The following CDKL1 variants were observed in gnomAD, a reference collection of about 807,000 sequenced individuals.
The protein encoded by CDKL1 is cyclin dependent kinase like 1, also known as cyclin-dependent kinase-like 1.
In CDKL1, 41 loss-of-function variants were observed where a neutral mutation model predicts 42.0. The ratio of observed to expected loss-of-function variants is 0.98; its 90% CI spans 0.76 to 1.27. The LOEUF is 1.27. Among genes scored for constraint, CDKL1 ranks in the 50% most tolerant of loss-of-function variants. CDKL1 has a pLI of 0.00. For synonymous variants in CDKL1, 153 were observed against 158.6 expected (o/e 0.96, Z 0.26); for missense variants, 394 against 428.4 (o/e 0.92, Z 0.71).
intron 7 of CDKL1, among the ~76,000 whole-genome samples, chr14:50,336,863 T>TAAA (rs35078048): frequency 6.7e-5 from 10 of 148,436 alleles, no homozygotes; most frequent in African/African-American, 2.5e-4. Flanking sequence ...TTCACAAATG[T>TAAA]AAAAAAAAAA....
intron 5 of CDKL1, among the ~76,000 whole-genome samples, chr14:50,341,741 A>T (rs1048962333): frequency 6.6e-6 from 1 of 150,674 alleles, no homozygotes; most frequent in South Asian, 2.1e-4. Context: ...TGACTGTGCC[A>T]CTGCACTCCA....
At chr14:50,368,311 C>G (rs1200124133) in intron 2 of CDKL1, among the ~76,000 whole-genome samples, 1 of 151,766 alleles carries the variant, frequency 6.6e-6, no homozygotes, top group Non-Finnish European at 1.5e-5. Context: ...GGCTGGAGTG[C>G]AGTGGCATGA....
chr14:50,326,662 T>C lies in CDKL1; in HGVS notation c.*3412A>G. ...TTAAAACTGGACATAGATACTTGGC[T>C]GAATACAAATAGTTTTGCAGATTGC... On this transcript the variant is annotated 3_prime_UTR_variant, in exon 10 of 10. Coordinates refer to ENST00000395834, the MANE Select transcript of CDKL1 (RefSeq NM_004196.7). 1.0e-6 allele frequency: 1 copy of C among 985,362 alleles called. No individual in the cohort carries two copies. Among genetic ancestry groups the C allele is most frequent in the Non-Finnish European group, 1.2e-6 (1 of 829,864 alleles). The allele number at this position is 985,362 out of a possible 1,614,324, so 61.0% of individuals were successfully genotyped here.
intron 2 of CDKL1, among the ~76,000 whole-genome samples, chr14:50,375,061 A>C (rs1030373058): frequency 6.6e-6 from 1 of 152,192 alleles, no homozygotes; most frequent in African/African-American, 2.4e-5. Context: ...CTATGGAACA[A>C]ACCCACACAT....
intron 2 of CDKL1, among the ~76,000 whole-genome samples, chr14:50,383,835 A>G (rs2034994984): frequency 6.6e-6 from 1 of 152,152 alleles, no homozygotes. Flanking sequence ...GTCTTTAAGA[A>G]GGTAACGAGC....
Position 50,326,625 on chromosome 14 carries a change from G to A in CDKL1, c.*3449C>T. On this transcript the variant is annotated 3_prime_UTR_variant, in exon 10 of 10. Transcript: ENST00000395834. ...TAATTTGTCTATTTTGTAAGCTTAG[G>A]CTACTATTTTATTAAAACTGGACAT... The A allele has an allele frequency of 1.0e-6, 1 of 985,408 alleles. No individual in the cohort carries two copies. 61.0% of individuals were successfully genotyped at this position (985,408 alleles called of 1,614,324 possible).
At chr14:50,388,525 T>C (rs1053491762) in intron 2 of CDKL1, among the ~76,000 whole-genome samples, 7 of 152,230 alleles carry the variant, frequency 4.6e-5, no homozygotes, top group Admixed American at 3.9e-4. Context: ...CCGTTGGCCG[T>C]TGGCCACAGC....
intron 6 of CDKL1, 47 bp downstream of exon 6, chr14:50,340,985 G>T: frequency 6.3e-7 from 1 of 1,595,982 alleles, no homozygotes; most frequent in Non-Finnish European, 8.5e-7. Context: ...GCCCCAACCT[G>T]GGGAAATATC....
At chr14:50,346,272 G>A (rs1035619185) in intron 3 of CDKL1, among the ~76,000 whole-genome samples, 1 of 152,226 alleles carries the variant, frequency 6.6e-6, no homozygotes, top group Admixed American at 6.5e-5. Context: ...CTTCCAGGAA[G>A]GCTAGTTGGG....
At chr14:50,349,739 C>A (rs2050655550) in intron 3 of CDKL1, among the ~76,000 whole-genome samples, 2 of 87,670 alleles carry the variant, frequency 2.3e-5, no homozygotes, top group South Asian at 5.6e-4. Context: ...TCTCTCTTGT[C>A]TTTTTGTTGT....
At chr14:50,353,311 T>C (rs2033958698) in intron 3 of CDKL1, among the ~76,000 whole-genome samples, 1 of 152,200 alleles carries the variant, frequency 6.6e-6, no homozygotes, top group Admixed American at 6.5e-5. Flanking sequence ...TTCAGAAATG[T>C]GAAATTCTTC....
intron 3 of CDKL1, chr14:50,358,178 C>T (rs764592365): frequency 1.6e-5 from 21 of 1,290,984 alleles, no homozygotes; most frequent in Non-Finnish European, 2.0e-5. Flanking sequence ...TCAGCGGAGC[C>T]CCCGGAGTCA....
chr14:50,362,721 T>C (rs988264845), intron 2 of CDKL1, among the ~76,000 whole-genome samples: 1 of 152,214 alleles, frequency 6.6e-6, no homozygotes, highest in Non-Finnish European at 1.5e-5. Flanking sequence ...CTTTTGTGTC[T>C]AGCTCAGGGA....
chr14:50,396,986 A>C, upstream of CDKL1: 2 of 929,862 alleles, frequency 2.2e-6, no homozygotes, highest in Non-Finnish European at 1.4e-6. Flanking sequence ...GGCCCGGCCC[A>C]GCCCGGCCGC....
Position 50,339,040 on chromosome 14 carries a change from G to A in CDKL1, c.656-11C>T. 1 of 1,583,702 alleles carries A rather than the reference G, an allele frequency of 6.3e-7. No homozygotes were observed. The highest frequency in any genetic ancestry group is 8.7e-7 in the Non-Finnish European group (1 of 1,152,346). On this transcript the variant is annotated splice_polypyrimidine_tract_variant and intron_variant, in intron 6 of 9. Transcript: ENST00000395834. ...TAGGAATGAGATCCCCTTTGGACAAGAAAAGAAAAAGGTAAGTGAAATTGG... is the reference window on the plus strand; with the variant it reads ...TAGGAATGAGATCCCCTTTGGACAAAAAAAGAAAAAGGTAAGTGAAATTGG...
In CDKL1 at chr14:50,334,619, T is replaced by G; in HGVS notation, c.741A>C (p.Glu247Asp). The G allele has an allele frequency of 6.3e-7, 1 of 1,585,696 alleles. No homozygotes were observed. The highest frequency in any genetic ancestry group is 8.7e-7 in the Non-Finnish European group (1 of 1,154,080). ...TGTTTGGGAATTTTAATTCAAGTGG[T>G]TCCTGTTGAAAAGAAAAGAGGTTTT... ...GVKIPDPEDM[E>D]PLELKFPNIS... The change falls in exon 8 of 10, where the codon GAA becomes GAC. Residue 247 changes from glutamate to aspartate, a missense_variant and splice_region_variant. Physicochemically the swap from Glu to Asp is conservative, Grantham distance 45. Transcript: ENST00000395834.
intron 2 of CDKL1, among the ~76,000 whole-genome samples, chr14:50,391,657 A>G (rs1180709740): frequency 6.6e-6 from 1 of 152,194 alleles, no homozygotes; most frequent in East Asian, 1.9e-4. Flanking sequence ...TGCTGGGATT[A>G]CAGGCGTGAG....
At chr14:50,390,415 CCA>C (rs776022479) in intron 2 of CDKL1, 3 of 1,331,652 alleles carry the variant, frequency 2.3e-6, no homozygotes, top group Non-Finnish European at 3.0e-6. Flanking sequence ...CATTTTCATT[CCA>C]CAGAGAGAAG....
intron 2 of CDKL1, among the ~76,000 whole-genome samples, chr14:50,366,744 T>C (rs2034447151): frequency 2.0e-5 from 3 of 151,082 alleles, no homozygotes; most frequent in African/African-American, 7.4e-5. Flanking sequence ...GGTGATCGGC[T>C]GGAGGTGAGG....
Sources: allele counts gnomAD v4.1 joint callset (sites outside exome capture counted in the v4.1 genomes callset), GRCh38; gene constraint gnomAD v4.1.1; transcripts MANE v1.5; gene names NCBI Gene and HGNC (gene_info 2026-07-23, HGNC 2026-07-21).